ARHGAP8: variants seen among roughly 807,000 people sequenced by gnomAD.
The protein encoded by ARHGAP8 is Rho GTPase activating protein 8.
A neutral mutation model predicts 46.1 loss-of-function variants in ARHGAP8; 62 were observed. The observed-to-expected ratio is 1.34, with a 90% confidence interval of 1.10 to 1.66. The LOEUF is 1.66. Ranked by LOEUF, ARHGAP8 falls within the 40% of genes most tolerant of loss-of-function variation. The pLI is 0.00. For missense variants in ARHGAP8, 923 were observed against 568.4 expected (o/e 1.62, Z -6.34); for synonymous variants, 375 against 243.1 (o/e 1.54, Z -5.05).
chr22:44,862,120 C>G (rs966587485), intron 11 of ARHGAP8, among the ~76,000 whole-genome samples, 155 bp from the exon 12 acceptor site: 1 of 152,170 alleles, frequency 6.6e-6, no homozygotes, highest in African/African-American at 2.4e-5. Context: ...CCTGAGTGGG[C>G]AGGTGGCTGC....
intron 7 of ARHGAP8, among the ~76,000 whole-genome samples, chr22:44,832,299 G>A (rs775445185): frequency 5.4e-5 from 8 of 148,440 alleles, no homozygotes; most frequent in South Asian, 2.1e-4. Context: ...CAATCTTGGC[G>A]CACTACAACC....
chr22:44,758,016 G>A (rs1458756329), intron 1 of ARHGAP8, among the ~76,000 whole-genome samples: 1 of 152,130 alleles, frequency 6.6e-6, no homozygotes, highest in Non-Finnish European at 1.5e-5. Context: ...GGGATCCCTG[G>A]ATGGGGTCAC....
At chr22:44,787,898 TC>T (rs1349918353) in intron 2 of ARHGAP8, among the ~76,000 whole-genome samples, 1 of 149,714 alleles carries the variant, frequency 6.7e-6, no homozygotes, top group Non-Finnish European at 1.5e-5. Flanking sequence ...AGGCACTCAG[TC>T]ATTTGAAGCC....
chr22:44,755,574 C>T (rs3788618), intron 1 of ARHGAP8, among the ~76,000 whole-genome samples: 60,524 of 151,984 alleles, frequency 0.4, 14,550 homozygotes, highest in Non-Finnish European at 0.54. Context: ...TGCAGGAGAG[C>T]GCGCTGCTCC....
chr22:44,825,975 G>A (rs1602230966), intron 7 of ARHGAP8, among the ~76,000 whole-genome samples: 3 of 151,342 alleles, frequency 2.0e-5, no homozygotes, highest in South Asian at 2.1e-4. Context: ...TGGGGGGACC[G>A]GCAGTGGGTA....
intron 2 of ARHGAP8, among the ~76,000 whole-genome samples, chr22:44,795,061 A>C (rs1360039250): frequency 1.3e-5 from 2 of 151,816 alleles, no homozygotes; most frequent in Non-Finnish European, 2.9e-5. Context: ...AAAACAAAAA[A>C]CGAAATCTGT....
chr22:44,846,740 G>A (rs558605514), intron 8 of ARHGAP8, among the ~76,000 whole-genome samples: 4 of 152,274 alleles, frequency 2.6e-5, no homozygotes, highest in African/African-American at 7.2e-5. Context: ...CATTCGCTAC[G>A]TGCCTCCCTC....
At chr22:44,836,211 G>C (rs1205125887) in intron 7 of ARHGAP8, among the ~76,000 whole-genome samples, 2 of 152,048 alleles carry the variant, frequency 1.3e-5, no homozygotes, top group Non-Finnish European at 2.9e-5. Context: ...CTAAATGCAA[G>C]ACTGTGATCT....
At chr22:44,796,406 C>T (rs2147068487) in intron 2 of ARHGAP8, among the ~76,000 whole-genome samples, 1 of 152,164 alleles carries the variant, frequency 6.6e-6, no homozygotes, top group Non-Finnish European at 1.5e-5. Context: ...GCCCTCGTCC[C>T]CAGTTCCCTC....
intron 8 of ARHGAP8, among the ~76,000 whole-genome samples, chr22:44,845,622 G>A: frequency 6.6e-6 from 1 of 152,176 alleles, no homozygotes; most frequent in East Asian, 1.9e-4. Flanking sequence ...TACATGACTT[G>A]TAGGATTGTT....
At chr22:44,823,148 C>T (rs183864188) in intron 6 of ARHGAP8, among the ~76,000 whole-genome samples, 239 of 152,274 alleles carry the variant, frequency 1.6e-3, no homozygotes, top group African/African-American at 5.5e-3. Flanking sequence ...TAACTTCTCT[C>T]CGGACGCCAA....
At chr22:44,791,564 C>T (rs952718019) in intron 2 of ARHGAP8, among the ~76,000 whole-genome samples, 4 of 151,976 alleles carry the variant, frequency 2.6e-5, no homozygotes, top group African/African-American at 9.7e-5. Context: ...ATTAGCCGGG[C>T]GTGATGGTGG....
Position 44,856,728 on chromosome 22 carries a change from CAG to C in ARHGAP8, c.878-2999_878-2998del, listed in dbSNP as rs1471847491. On this transcript the variant is annotated intron_variant, in intron 10 of 11. Coordinates refer to ENST00000356099, the MANE Select transcript of ARHGAP8 (RefSeq NM_181335.3). Reference sequence around the variant, plus strand: ...TCTTCACAACAAAGGACCCAAGAGACAGAGACAAAGGCAAACAGTGACTCTTC... The same window carrying C: ...TCTTCACAACAAAGGACCCAAGAGACAGACAAAGGCAAACAGTGACTCTTC... Among the ~76,000 whole-genome samples, 6 of 144,030 alleles carry C rather than the reference CAG, an allele frequency of 4.2e-5. 1 individual carries two copies. Among genetic ancestry groups the C allele is most frequent in the Non-Finnish European group, 9.0e-5 (6 of 66,606 alleles). The allele number at this position is 144,030 out of a possible 152,430, so 94.5% of individuals were successfully genotyped here. A position where few individuals can be genotyped will look rare whatever the true frequency, so the allele number is the denominator to read the frequency against.
At position 44,862,279 on chromosome 22, in the gene ARHGAP8, C is replaced by T. The variant is rs779904514; in HGVS notation, c.986C>T (p.Ser329Phe). Residue 329 changes from serine to phenylalanine, a missense_variant, in exon 12 of 12, where the codon TCC (serine) becomes TTC (phenylalanine). Coordinates refer to ENST00000356099, the MANE Select transcript of ARHGAP8 (RefSeq NM_181335.3). ...CTTGTGTGTGGTTTCCTCCAGGTGTCCCGGGAGAGCATCTTCAACAAAATG... is the reference window on the plus strand; with the variant it reads ...CTTGTGTGTGGTTTCCTCCAGGTGTTCCGGGAGAGCATCTTCAACAAAATG... ...RYLMGFLHAV[S>F]RESIFNKMNS... 2 of 1,590,142 alleles carry T rather than the reference C, an allele frequency of 1.3e-6. No individual in the cohort carries two copies. The highest frequency in any genetic ancestry group is 4.5e-5 in the East Asian group (2 of 44,406).
rs376107530 is a variant in ARHGAP8 at position 44,862,509 on chromosome 22, G to A, written c.1216G>A (p.Glu406Lys). 126 of 1,612,964 alleles carry A rather than the reference G, an allele frequency of 7.8e-5. No homozygotes were observed. The highest frequency in any genetic ancestry group is 9.8e-5 in the Non-Finnish European group (116 of 1,179,292). ...EQGSRAAPLQ[E>K]AVPRTQATGL... ...GGGGAGCAGGGCAGCCCCTTTGCAG[G>A]AGGCTGTGCCACGGACACAAGCCAC... The change falls in exon 12 of 12, where the codon GAG becomes AAG. Residue 406 changes from glutamate (E) to lysine (K), a missense_variant. Coordinates refer to ENST00000356099, the MANE Select transcript of ARHGAP8 (RefSeq NM_181335.3).
chr22:44,833,249 A>C (rs997901633), intron 7 of ARHGAP8, among the ~76,000 whole-genome samples: 21 of 151,866 alleles, frequency 1.4e-4, no homozygotes, highest in Non-Finnish European at 2.8e-4. Flanking sequence ...GGTATATACT[A>C]CCATGCCTGG....
intron 7 of ARHGAP8, among the ~76,000 whole-genome samples, chr22:44,843,009 G>C (rs937943572): frequency 6.6e-6 from 1 of 152,126 alleles, no homozygotes; most frequent in African/African-American, 2.4e-5. Flanking sequence ...TTACGTTGTT[G>C]ATGACCTGTG....
At chr22:44,825,671 T>C in intron 7 of ARHGAP8, 78 bp downstream of exon 7, 2 of 1,482,434 alleles carry the variant, frequency 1.3e-6, no homozygotes, top group South Asian at 1.3e-5. Context: ...TCCAGAAATA[T>C]TTTCCCCAGA....
rs1453767587 is a variant in ARHGAP8, at chr22:44,786,143, GTGGGTGCTCGGCTGATGTCGAGTGCATAA to G, written c.-71-298_-71-270del. 92 of 479,464 alleles carry G rather than the reference GTGGGTGCTCGGCTGATGTCGAGTGCATAA, an allele frequency of 1.9e-4. No homozygotes were observed. In the East Asian group the frequency reaches 3.0e-3, roughly 15 times the overall value. The allele number at this position is 479,464 out of a possible 1,614,324, so 29.7% of individuals were successfully genotyped here. A position where few individuals can be genotyped will look rare whatever the true frequency, so the allele number is the denominator to read the frequency against. ...GTGCATGGCTGAGGTAGGTCGCATAGTGGGTGCTCGGCTGATGTCGAGTGCATAATGGGTGCTCGGCTGAGGTAGGGCGT... is the reference window on the plus strand; with the variant it reads ...GTGCATGGCTGAGGTAGGTCGCATAGTGGGTGCTCGGCTGAGGTAGGGCGT... On this transcript the variant is annotated intron_variant, in intron 1 of 11. Coordinates refer to ENST00000356099, the MANE Select transcript of ARHGAP8 (RefSeq NM_181335.3).
Sources: gnomAD v4.1 joint callset for allele counts (sites outside exome capture counted in the v4.1 genomes callset) on GRCh38, gnomAD v4.1.1 for gene constraint, MANE v1.5 for transcripts, NCBI Gene and HGNC (gene_info 2026-07-23, HGNC 2026-07-21) for gene names.